Variants in DRICH1 observed in about 807,000 individuals in gnomAD.
DRICH1 encodes aspartate rich 1.
Under a neutral mutation model 39.5 loss-of-function variants are expected in DRICH1, and 38 were observed. The ratio of observed to expected loss-of-function variants is 0.96; its 90% CI spans 0.74 to 1.26. The LOEUF (loss-of-function observed/expected upper bound fraction) is 1.26. Among genes scored for constraint, DRICH1 ranks in the 50% most tolerant of loss-of-function variants. DRICH1 has a pLI of 0.00. For missense variants in DRICH1, 279 were observed against 270.4 expected, an observed-to-expected ratio of 1.03 and a Z score of -0.22; for synonymous variants, 84 against 99.5, an observed-to-expected ratio of 0.84 and a Z score of 0.93.
intron 11 of DRICH1, 56 bp downstream of exon 11, chr22:23,613,233 T>C: frequency 7.4e-7 from 1 of 1,358,696 alleles, no homozygotes; most frequent in South Asian, 1.2e-5. Context: ...AGGGATAACC[T>C]GGAGGCTCCT....
chr22:23,623,175 G>A (rs1264940217), intron 3 of DRICH1, among the ~76,000 whole-genome samples: 5 of 152,104 alleles, frequency 3.3e-5, no homozygotes, highest in African/African-American at 1.2e-4. Flanking sequence ...GGGAGGCTGA[G>A]GCGGGCAGAT....
At chr22:23,612,257 G>A (rs1271130198) in intron 11 of DRICH1, among the ~76,000 whole-genome samples, 2 of 152,094 alleles carry the variant, frequency 1.3e-5, no homozygotes, top group South Asian at 2.1e-4. Flanking sequence ...CCTGAGCTGA[G>A]GAGTTCCTGA....
chr22:23,627,711 G>A (rs901386186), intron 1 of DRICH1, among the ~76,000 whole-genome samples: 57 of 152,288 alleles, frequency 3.7e-4, no homozygotes, highest in African/African-American at 1.3e-3. Context: ...CAGAGCAGCA[G>A]GAGCCAAGGG....
intron 11 of DRICH1, among the ~76,000 whole-genome samples, chr22:23,611,529 C>A (rs1284595683): frequency 6.6e-6 from 1 of 151,846 alleles, no homozygotes; most frequent in Non-Finnish European, 1.5e-5. Flanking sequence ...GTAGCTGGGA[C>A]TACAAGCGCC....
chr22:23,599,972 G>A, the DRICH1 span, among the ~76,000 whole-genome samples: 1 of 152,206 alleles, frequency 6.6e-6, no homozygotes, highest in African/African-American at 2.4e-5. Flanking sequence ...GGGACATCAG[G>A]AGCTGAGGGT....
intron 1 of DRICH1, among the ~76,000 whole-genome samples, chr22:23,631,341 A>G (rs925435973): frequency 2.0e-5 from 3 of 151,888 alleles, no homozygotes; most frequent in South Asian, 4.2e-4. Context: ...GCTTGAACCC[A>G]GGAGGCAGAG....
chr22:23,626,614 C>T (rs1233061161), intron 1 of DRICH1, among the ~76,000 whole-genome samples: 1 of 152,138 alleles, frequency 6.6e-6, no homozygotes, highest in East Asian at 1.9e-4. Flanking sequence ...GGATGGTGTC[C>T]ATTGGCCAAT....
At chr22:23,590,254 C>T in the DRICH1 span, among the ~76,000 whole-genome samples, 1 of 151,446 alleles carries the variant, frequency 6.6e-6, no homozygotes, top group African/African-American at 2.4e-5. Flanking sequence ...ACTACAAAAG[C>T]ATAACCTGTA....
intron 6 of DRICH1, among the ~76,000 whole-genome samples, chr22:23,618,441 C>T (rs1927510566): frequency 6.6e-6 from 1 of 151,760 alleles, no homozygotes; most frequent in African/African-American, 2.4e-5. Context: ...TCATAGAGAT[C>T]ATTTAAAAAA....
chr22:23,628,872 G>C (rs370362730), intron 1 of DRICH1, among the ~76,000 whole-genome samples: 1 of 152,186 alleles, frequency 6.6e-6, no homozygotes, highest in Admixed American at 6.5e-5. Flanking sequence ...GAGAAGACAA[G>C]AGAAAGCAAT....
chr22:23,620,188 A>G (rs1927635515), intron 5 of DRICH1, among the ~76,000 whole-genome samples: 1 of 151,668 alleles, frequency 6.6e-6, no homozygotes, highest in African/African-American at 2.4e-5. Context: ...CTCTTTTTAC[A>G]CCCTCCCTCA....
chr22:23,610,434 C>G (rs919576426), intron 11 of DRICH1: 5 of 152,280 alleles, frequency 3.3e-5, no homozygotes, highest in Non-Finnish European at 7.3e-5. Flanking sequence ...GCAGGGCTAC[C>G]TCCCCCTCCA....
At chr22:23,582,862 A>G in the DRICH1 span, among the ~76,000 whole-genome samples, 1 of 152,002 alleles carries the variant, frequency 6.6e-6, no homozygotes, top group Non-Finnish European at 1.5e-5. Context: ...TGCCCGGCCA[A>G]TTATCATATT....
At chr22:23,617,001 G>T in intron 7 of DRICH1, 127 bp from the exon 8 acceptor site, 1 of 1,083,750 alleles carries the variant, frequency 9.2e-7, no homozygotes, top group Non-Finnish European at 1.4e-6. Context: ...CAAGGTCAAA[G>T]ACCAAACATT....
downstream of DRICH1, among the ~76,000 whole-genome samples, chr22:23,604,047 A>C (rs567705199): frequency 6.6e-6 from 1 of 152,050 alleles, no homozygotes; most frequent in Non-Finnish European, 1.5e-5. Context: ...ATCTGTCCTC[A>C]TATCAGTCAA....
At chr22:23,585,406 G>T in the DRICH1 span, among the ~76,000 whole-genome samples, 2 of 152,170 alleles carry the variant, frequency 1.3e-5, no homozygotes, top group Non-Finnish European at 2.9e-5. Flanking sequence ...TGAAGTGCTG[G>T]GATTACAGGC....
At chr22:23,598,168 C>T in the DRICH1 span, among the ~76,000 whole-genome samples, 39,716 of 139,254 alleles carry the variant, frequency 0.29, 5,420 homozygotes, top group Middle Eastern at 0.35. Flanking sequence ...CCTGGCCAAC[C>T]CCTTCACCCA....
the DRICH1 span, among the ~76,000 whole-genome samples, chr22:23,590,807 T>TG: frequency 1.3e-5 from 2 of 151,886 alleles, no homozygotes; most frequent in East Asian, 3.9e-4. Context: ...TATCTAGAGA[T>TG]GGGGGTTCAC....
At chr22:23,581,761 C>G in the DRICH1 span, among the ~76,000 whole-genome samples, 1 of 151,700 alleles carries the variant, frequency 6.6e-6, no homozygotes, top group Admixed American at 6.6e-5. Context: ...CATGCACCAC[C>G]ACGACAAGCT....
Sources: gnomAD v4.1 joint callset for allele counts (sites outside exome capture counted in the v4.1 genomes callset) on GRCh38, gnomAD v4.1.1 for gene constraint, MANE v1.5 for transcripts, NCBI Gene and HGNC (gene_info 2026-07-23, HGNC 2026-07-21) for gene names.